Variants in MARCHF1 observed in about 807,000 individuals in gnomAD.
MARCHF1 encodes E3 ubiquitin-protein ligase MARCHF1.
Under a neutral mutation model 54.2 loss-of-function variants are expected in MARCHF1, and 40 were observed. The observed-to-expected ratio is 0.74, with a 90% CI of 0.57 to 0.96. The LOEUF (loss-of-function observed/expected upper bound fraction) is 0.96, where lower values mean the gene tolerates loss of function less well. MARCHF1 is among the 40% of genes least tolerant of loss of function. MARCHF1 has a pLI of 0.00. For synonymous variants in MARCHF1, 236 were observed against 236.3 expected (o/e 1.00, Z 0.01); for missense variants, 586 against 656.5 (o/e 0.89, Z 1.17).
intron 2 of MARCHF1, among the ~76,000 whole-genome samples, chr4:163,995,430 A>T (rs1350609161): frequency 3.3e-5 from 5 of 152,010 alleles, no homozygotes; most frequent in Non-Finnish European, 7.4e-5. Context: ...AATCAATTTA[A>T]CTTTCACCCT....
At chr4:163,676,247 C>A (rs1319345982) in intron 5 of MARCHF1, among the ~76,000 whole-genome samples, 5 of 147,232 alleles carry the variant, frequency 3.4e-5, no homozygotes, top group Admixed American at 2.7e-4. Context: ...ATCCCAGGTA[C>A]TAGGGAGGCT....
chr4:164,222,788 A>T (rs1732150741), intron 1 of MARCHF1, among the ~76,000 whole-genome samples: 1 of 152,100 alleles, frequency 6.6e-6, no homozygotes, highest in Non-Finnish European at 1.5e-5. Context: ...ATTATTTGAT[A>T]GAAGACATGA....
At chr4:163,765,624 G>C (rs558603047) in intron 4 of MARCHF1, among the ~76,000 whole-genome samples, 1 of 151,802 alleles carries the variant, frequency 6.6e-6, no homozygotes, top group Non-Finnish European at 1.5e-5. Flanking sequence ...TAAATATATA[G>C]AGAGAAATAC....
Position 163,561,521 on chromosome 4 carries a change from C to G in MARCHF1, c.1192-15778G>C, listed in dbSNP as rs80039007. 2.0e-5 allele frequency among the ~76,000 whole-genome samples: 3 copies of G among 152,222 alleles called. No individual in the cohort carries two copies. In the East Asian group the frequency reaches 5.8e-4, roughly 29 times the overall value. ...ATATATAGCCAATACATCTATCACA[C>G]AAATATATAGCCAAATTGCCCTCCA... On this transcript the variant is annotated intron_variant, in intron 8 of 9. Coordinates refer to ENST00000514618, the MANE Select transcript of MARCHF1 (RefSeq NM_001394959.1).
At position 164,055,041 on chromosome 4, in the gene MARCHF1, G is replaced by T. The variant is rs1754458562; in HGVS notation, c.-248+56547C>A. On this transcript the variant is annotated intron_variant, in intron 2 of 9. Transcript: ENST00000514618. The stretch of plus-strand genomic sequence containing the variant: ...CTCTGTTTAATCTGTTGGGGGATAT[G>T]TAAGCAGGAGGGGTAAAAAATAAAT... 2.0e-5 allele frequency: 3 copies of T among 152,304 alleles called. No homozygotes were observed. The South Asian group carries it at 6.2e-4, about 32-fold the overall frequency. 9.4% of individuals were successfully genotyped at this position (152,304 alleles called of 1,614,324 possible).
Position 163,776,729 on chromosome 4 carries a change from T to C in MARCHF1, c.112-75866A>G, listed in dbSNP as rs115952298. The stretch of plus-strand genomic sequence containing the variant: ...CACAGAAGATACTCAAGTTATTTTC[T>C]GTGGAAAATAATTAAAATTGTATAA... On this transcript the variant is annotated intron_variant, in intron 4 of 9. Coordinates refer to ENST00000514618, the MANE Select transcript of MARCHF1 (RefSeq NM_001394959.1). Among the ~76,000 whole-genome samples the C allele has an allele frequency of 7.3e-3, 1,105 of 152,310 alleles. 8 individuals carry two copies. The highest frequency in any genetic ancestry group is 0.03 in the South Asian group (147 of 4,830).
chr4:164,127,899 C>T (rs919500091), intron 1 of MARCHF1, among the ~76,000 whole-genome samples: 2 of 151,938 alleles, frequency 1.3e-5, no homozygotes, highest in African/African-American at 2.4e-5. Flanking sequence ...AATTAGTGAG[C>T]ACCTCCTGAA....
At chr4:164,363,125 C>A (rs531541624) in intron 1 of MARCHF1, among the ~76,000 whole-genome samples, 6 of 151,820 alleles carry the variant, frequency 4.0e-5, no homozygotes, top group Non-Finnish European at 8.8e-5. Flanking sequence ...ACACGGCAGA[C>A]TTTTATAGAA....
At chr4:164,369,604 T>C (rs754643557) in intron 1 of MARCHF1, among the ~76,000 whole-genome samples, 52 of 152,206 alleles carry the variant, frequency 3.4e-4, no homozygotes, top group Non-Finnish European at 6.6e-4. Context: ...TATACATATG[T>C]ACATATGTAC....
intron 1 of MARCHF1, among the ~76,000 whole-genome samples, chr4:164,184,536 G>C (rs1730917437): frequency 6.6e-6 from 1 of 152,104 alleles, no homozygotes; most frequent in Admixed American, 6.5e-5. Flanking sequence ...AAATAAAAAG[G>C]GTTATACCAG....
At chr4:164,277,271 A>G (rs571656783) in intron 1 of MARCHF1, among the ~76,000 whole-genome samples, 268 of 152,302 alleles carry the variant, frequency 1.8e-3, no homozygotes, top group African/African-American at 6.2e-3. Context: ...GGCTACAGCA[A>G]TATCTGACAA....
At chr4:163,660,511 G>A (rs1194240858) in intron 5 of MARCHF1, among the ~76,000 whole-genome samples, 1 of 151,580 alleles carries the variant, frequency 6.6e-6, no homozygotes, top group Non-Finnish European at 1.5e-5. Context: ...CATGGCATAT[G>A]TATACCTATG....
intron 1 of MARCHF1, among the ~76,000 whole-genome samples, chr4:164,294,537 C>T (rs78371948): frequency 0.026 from 3,996 of 152,228 alleles, 101 homozygotes; most frequent in East Asian, 0.13. Flanking sequence ...TGCTTCCTAA[C>T]GTTTTCTACA....
chr4:164,100,620 C>G (rs911336696), intron 2 of MARCHF1, among the ~76,000 whole-genome samples: 7 of 152,288 alleles, frequency 4.6e-5, no homozygotes, highest in African/African-American at 1.7e-4. Flanking sequence ...CTTTTTCAGT[C>G]ATGAATAAAA....
intron 1 of MARCHF1, among the ~76,000 whole-genome samples, chr4:164,296,104 A>C (rs1333439447): frequency 6.6e-6 from 1 of 152,208 alleles, no homozygotes; most frequent in African/African-American, 2.4e-5. Flanking sequence ...AATAATTTTG[A>C]AATTTTCAAA....
At chr4:163,540,279 G>A (rs1579043503) in intron 9 of MARCHF1, among the ~76,000 whole-genome samples, 3 of 152,152 alleles carry the variant, frequency 2.0e-5, no homozygotes, top group South Asian at 4.1e-4. Context: ...AGTGACAGTG[G>A]CTGTGTGTAT....
chr4:163,954,200 T>C (rs1251561440), intron 3 of MARCHF1, among the ~76,000 whole-genome samples: 1 of 152,208 alleles, frequency 6.6e-6, no homozygotes, highest in African/African-American at 2.4e-5. Flanking sequence ...TAGGAAATTA[T>C]AGTTCTCATA....
intron 1 of MARCHF1, among the ~76,000 whole-genome samples, chr4:164,161,029 C>T (rs1257208243): frequency 6.6e-5 from 10 of 152,034 alleles, no homozygotes; most frequent in African/African-American, 1.2e-4. Flanking sequence ...ATTATTTAAC[C>T]GAAACCACTT....
intron 1 of MARCHF1, among the ~76,000 whole-genome samples, chr4:164,117,882 G>C (rs1262261154): frequency 6.6e-6 from 1 of 152,004 alleles, no homozygotes; most frequent in Non-Finnish European, 1.5e-5. Flanking sequence ...CTGGGTGACA[G>C]AGCAAGACTC....
Sources: allele counts gnomAD v4.1 joint callset (sites outside exome capture counted in the v4.1 genomes callset), GRCh38; gene constraint gnomAD v4.1.1; transcripts MANE v1.5; gene names NCBI Gene and HGNC (gene_info 2026-07-23, HGNC 2026-07-21).